The following CASP14 variants were observed in gnomAD, a reference collection of about 807,000 sequenced individuals.
The protein encoded by CASP14 is caspase-14.
CASP14 carries 27 observed loss-of-function variants against 28.4 expected under a neutral mutation model. That is an observed-to-expected ratio of 0.95 (90% CI 0.70 to 1.31). The LOEUF (loss-of-function observed/expected upper bound fraction) is 1.31, where lower values mean the gene tolerates loss of function less well. CASP14 is among the 50% of genes most tolerant of loss of function. CASP14 has a pLI of 0.00. For missense variants in CASP14, 323 were observed against 312.8 expected, an observed-to-expected ratio of 1.03 and a Z score of -0.25; for synonymous variants, 115 against 118.6, an observed-to-expected ratio of 0.97 and a Z score of 0.20.
intron 4 of CASP14, 115 bp from the exon 5 acceptor site, chr19:15,055,043 G>T: frequency 1.3e-6 from 1 of 748,788 alleles, no homozygotes. Context: ...AGGTTCAAGT[G>T]ATCCTCCTGC....
In CASP14 at chr19:15,052,282, G is replaced by T; in HGVS notation, c.27+4G>T. ...CAATCCGCGGTCTTTGGAAGAGGTA[G>T]GCTGGGTGCAGGTTGAGGGGAGGGT... is the stretch of plus-strand genomic sequence containing the variant. On this transcript the variant is annotated splice_donor_region_variant and intron_variant, in intron 2 of 6. Transcript: ENST00000427043. 1 of 1,587,096 alleles carries T rather than the reference G, an allele frequency of 6.3e-7. No individual in the cohort carries two copies. The highest frequency in any genetic ancestry group is 1.8e-5 in the Admixed American group (1 of 55,506).
chr19:15,055,253 C>A lies in CASP14; in HGVS notation c.499C>A (p.His167Asn). Residue 167 changes from histidine to asparagine, a missense_variant, in exon 5 of 7, where the codon CAC (histidine) becomes AAC (asparagine). By Grantham distance (68) the His-to-Asn change is moderately conservative. Coordinates refer to ENST00000427043, the MANE Select transcript of CASP14 (RefSeq NM_012114.3). ...CATCCCAACATACACAGATGCCTTG[C>A]ACGTTTATTCCACGGTAGAGGGTAT... Reference protein sequence around the residue: ...QTIPTYTDALHVYSTVEGYIA... With the variant: ...QTIPTYTDALNVYSTVEGYIA... The A allele has an allele frequency of 6.2e-7, 1 of 1,613,894 alleles. No homozygotes were observed. Among genetic ancestry groups the A allele is most frequent in the Non-Finnish European group, 8.5e-7 (1 of 1,179,838 alleles).
chr19:15,051,179 C>T (rs2046088917), intron 1 of CASP14, among the ~76,000 whole-genome samples: 1 of 145,884 alleles, frequency 6.9e-6, no homozygotes, highest in Admixed American at 6.9e-5. Flanking sequence ...CCAAAATTGT[C>T]AGAGAAGGAT....
rs1568316595 is a variant in CASP14, at chr19:15,058,189, C to G, written c.*2100C>G. ...TCTCTTTTTTCTGATTGATCCTTCCCTCTCACCCAGGATTAGATGCTGGAA... is the reference window on the plus strand; with the variant it reads ...TCTCTTTTTTCTGATTGATCCTTCCGTCTCACCCAGGATTAGATGCTGGAA... On this transcript the variant is annotated 3_prime_UTR_variant, in exon 7 of 7. Coordinates refer to ENST00000427043, the MANE Select transcript of CASP14 (RefSeq NM_012114.3). 6.6e-6 allele frequency: 1 copy of G among 152,148 alleles called. No homozygotes were observed. The highest frequency in any genetic ancestry group is 1.5e-5 in the Non-Finnish European group (1 of 68,066). 9.4% of individuals were successfully genotyped at this position (152,148 alleles called of 1,614,324 possible).
At chr19:15,055,135 T>G (rs772637179) in intron 4 of CASP14, 23 bp from the exon 5 acceptor site, 1 of 1,593,208 alleles carries the variant, frequency 6.3e-7, no homozygotes, top group Non-Finnish European at 8.6e-7. Flanking sequence ...TGACTTTGCC[T>G]CCTCCTCTTC....
At chr19:15,054,305 C>T (rs1014413342) in intron 4 of CASP14, among the ~76,000 whole-genome samples, 4 of 152,220 alleles carry the variant, frequency 2.6e-5, no homozygotes, top group African/African-American at 9.6e-5. Context: ...AAGCCAGGCA[C>T]CATGGCTCAT....
chr19:15,050,669 A>G (rs1361881713), intron 1 of CASP14, among the ~76,000 whole-genome samples: 1 of 151,330 alleles, frequency 6.6e-6, no homozygotes, highest in Non-Finnish European at 1.5e-5. Flanking sequence ...ATAATGGATG[A>G]ATGGATGGAT....
rs1292892329 is a variant in CASP14, at chr19:15,052,454, G to A, written c.27+176G>A. 2.6e-5 allele frequency among the ~76,000 whole-genome samples: 4 copies of A among 152,160 alleles called. No individual in the cohort carries two copies. The East Asian group carries it at 7.7e-4, about 29-fold the overall frequency. Reference sequence around the variant, plus strand: ...AGACTCAGAGATGGAACCGAAGTTGGGTTGGGTGGTGGGGGCAGTCAAACA... The same window carrying A: ...AGACTCAGAGATGGAACCGAAGTTGAGTTGGGTGGTGGGGGCAGTCAAACA... On this transcript the variant is annotated intron_variant, in intron 2 of 6. Coordinates refer to ENST00000427043, the MANE Select transcript of CASP14 (RefSeq NM_012114.3).
rs1304542339 is a variant in CASP14, at chr19:15,055,166, G to A, written c.412G>A (p.Asp138Asn). 3.1e-6 allele frequency: 5 copies of A among 1,613,696 alleles called. No homozygotes were observed. In the Admixed American group the frequency reaches 8.3e-5, roughly 27 times the overall value. ...IIQACRGEQR[D>N]PGETVGGDEI... The stretch of plus-strand genomic sequence containing the variant: ...TCTTCTTGTTGTTTCAGAACAAAGG[G>A]ACCCCGGTGAAACAGTAGGTGGAGA... Residue 138 changes from aspartate to asparagine, a missense_variant, in exon 5 of 7, where the codon GAC (aspartate) becomes AAC (asparagine). Coordinates refer to ENST00000427043, the MANE Select transcript of CASP14 (RefSeq NM_012114.3).
At chr19:15,049,702 CA>C (rs2046080710) in intron 1 of CASP14, 57 bp downstream of exon 1, 1 of 73,498 alleles carries the variant, frequency 1.4e-5, no homozygotes, top group Admixed American at 1.3e-4. Context: ...CTCTCTCACA[CA>C]CACACACACA....
chr19:15,052,071 G>T, intron 1 of CASP14, 135 bp from the exon 2 acceptor site: 1 of 587,358 alleles, frequency 1.7e-6, no homozygotes, highest in Non-Finnish European at 3.0e-6. Flanking sequence ...CTATTGCCCA[G>T]ATCTGTCCAC....
intron 6 of CASP14, 35 bp from the exon 7 acceptor site, chr19:15,055,950 T>C (rs1225603111): frequency 1.3e-6 from 2 of 1,540,924 alleles, no homozygotes; most frequent in East Asian, 2.3e-5. Context: ...TCCATGACAC[T>C]GACTCCTCCA....
intron 1 of CASP14, among the ~76,000 whole-genome samples, chr19:15,050,331 A>T (rs896945019): frequency 6.6e-6 from 1 of 151,908 alleles, no homozygotes; most frequent in East Asian, 1.9e-4. Context: ...TGAGAGAGAG[A>T]GAGAGAGAGA....
chr19:15,057,429 A>T lies in CASP14; in HGVS notation c.*1340A>T, dbSNP rs978589494. On this transcript the variant is annotated 3_prime_UTR_variant, in exon 7 of 7. Coordinates refer to ENST00000427043, the MANE Select transcript of CASP14 (RefSeq NM_012114.3). The stretch of plus-strand genomic sequence containing the variant: ...TTTCATGCCGGTCTTCTCTTCCCTG[A>T]CATGTTACTGTCCAGGCTCAAGTCC... 1.3e-5 allele frequency: 2 copies of T among 152,226 alleles called. No homozygotes were observed. The highest frequency in any genetic ancestry group is 1.9e-4 in the East Asian group (1 of 5,198). The allele number at this position is 152,226 out of a possible 1,614,324, so 9.4% of individuals were successfully genotyped here.
Position 15,053,467 on chromosome 19 carries a change from T to G in CASP14, c.28-15T>G. 6.2e-7 allele frequency: 1 copy of G among 1,614,116 alleles called. No homozygotes were observed. Among genetic ancestry groups the G allele is most frequent in the Middle Eastern group, 1.6e-4 (1 of 6,062 alleles). The stretch of plus-strand genomic sequence containing the variant: ...GAACCTCTCCATGCTGATTTCTGTC[T>G]TCTCTTGGCCCCAGGAGAAATATGA... On this transcript the variant is annotated splice_polypyrimidine_tract_variant and intron_variant, in intron 2 of 6. Transcript: ENST00000427043.
chr19:15,056,131 C>G lies in CASP14; in HGVS notation c.*42C>G. Reference sequence around the variant, plus strand: ...AGGAGCTTTCCTTCCAGCATTCTTTCTGTCTCACAGAAATTTAGAGGCAGC... The same window carrying G: ...AGGAGCTTTCCTTCCAGCATTCTTTGTGTCTCACAGAAATTTAGAGGCAGC... On this transcript the variant is annotated 3_prime_UTR_variant, in exon 7 of 7. Transcript: ENST00000427043. 6.8e-7 allele frequency: 1 copy of G among 1,477,022 alleles called. No individual in the cohort carries two copies. The highest frequency in any genetic ancestry group is 1.2e-5 in the South Asian group (1 of 82,606). 91.5% of individuals were successfully genotyped at this position (1,477,022 alleles called of 1,614,324 possible). A position where few individuals can be genotyped will look rare whatever the true frequency, so the allele number is the denominator to read the frequency against.
chr19:15,051,196 AG>A (rs1480815671), intron 1 of CASP14, among the ~76,000 whole-genome samples: 1 of 103,752 alleles, frequency 9.6e-6, no homozygotes, highest in Non-Finnish European at 2.3e-5. Context: ...GGATCTAGAT[AG>A]AAAAAAAAAA....
At chr19:15,054,268 C>T (rs1056477582) in intron 4 of CASP14, among the ~76,000 whole-genome samples, 2 of 152,200 alleles carry the variant, frequency 1.3e-5, no homozygotes, top group Admixed American at 6.5e-5. Context: ...TTTATCCAAG[C>T]CAGTCCCAGA....
rs1306957097 is a variant in CASP14 at position 15,055,208 on chromosome 19, A to C, written c.454A>C (p.Ile152Leu). ...AGGTGGAGATGAGATTGTGATGGTCATCAAAGACAGCCCACAAACCATCCC... is the reference window on the plus strand; with the variant it reads ...AGGTGGAGATGAGATTGTGATGGTCCTCAAAGACAGCCCACAAACCATCCC... ...TVGGDEIVMV[I>L]KDSPQTIPTY... Residue 152 changes from isoleucine to leucine, a missense_variant, in exon 5 of 7, where the codon ATC (isoleucine) becomes CTC (leucine). Physicochemically the swap from Ile to Leu is conservative, Grantham distance 5. Transcript: ENST00000427043. 6.2e-7 allele frequency: 1 copy of C among 1,614,124 alleles called. No individual in the cohort carries two copies. Among genetic ancestry groups the C allele is most frequent in the Non-Finnish European group, 8.5e-7 (1 of 1,180,024 alleles).
Sources: gnomAD v4.1 joint callset for allele counts (sites outside exome capture counted in the v4.1 genomes callset) on GRCh38, gnomAD v4.1.1 for gene constraint, MANE v1.5 for transcripts, NCBI Gene and HGNC (gene_info 2026-07-23, HGNC 2026-07-21) for gene names.